The following FTO variants were observed in gnomAD, a reference collection of about 807,000 sequenced individuals.
FTO encodes alpha-ketoglutarate-dependent dioxygenase FTO.
A neutral mutation model predicts 63.9 loss-of-function variants in FTO; 47 were observed. That is an observed-to-expected ratio of 0.74 (90% CI 0.58 to 0.94). FTO has a LOEUF of 0.94. FTO is among the 40% of genes least tolerant of loss of function. The probability of loss-of-function intolerance (pLI) is 0.00; values close to 1 mark genes in which losing one functional copy is unlikely to be tolerated. For synonymous variants in FTO, 207 were observed against 224.4 expected, an observed-to-expected ratio of 0.92 and a Z score of 0.69; for missense variants, 562 against 618.1, an observed-to-expected ratio of 0.91 and a Z score of 0.96.
chr16:53,986,808 T>C (rs551754240), intron 8 of FTO, among the ~76,000 whole-genome samples: 1 of 152,234 alleles, frequency 6.6e-6, no homozygotes, highest in African/African-American at 2.4e-5. Flanking sequence ...GACATTAAAT[T>C]ACTGAGTAAA....
intron 8 of FTO, among the ~76,000 whole-genome samples, chr16:54,032,949 C>T (rs1195371444): frequency 6.6e-6 from 1 of 152,140 alleles, no homozygotes; most frequent in Non-Finnish European, 1.5e-5. Context: ...TGTGACATAA[C>T]CGCTCCTGCT....
chr16:53,839,381 A>G (rs565418138), intron 3 of FTO, among the ~76,000 whole-genome samples: 1 of 152,312 alleles, frequency 6.6e-6, no homozygotes, highest in South Asian at 2.1e-4. Context: ...GCTATAGGTA[A>G]TTACAAGTTG....
intron 1 of FTO, among the ~76,000 whole-genome samples, chr16:53,769,909 G>C (rs539660112): frequency 6.6e-6 from 1 of 152,146 alleles, no homozygotes; most frequent in Non-Finnish European, 1.5e-5. Flanking sequence ...CTCTATTCCA[G>C]CCAGCAAGAA....
At chr16:53,921,204 T>C (rs571928129) in intron 7 of FTO, among the ~76,000 whole-genome samples, 2 of 152,318 alleles carry the variant, frequency 1.3e-5, no homozygotes, top group East Asian at 3.9e-4. Flanking sequence ...CTCTTGCAAG[T>C]GTGATTTCTT....
chr16:53,826,358 C>G lies in FTO; in HGVS notation c.618C>G (p.Phe206Leu). The G allele has an allele frequency of 6.2e-7, 1 of 1,614,178 alleles. No individual in the cohort carries two copies. Among genetic ancestry groups the G allele is most frequent in the Non-Finnish European group, 8.5e-7 (1 of 1,180,028 alleles). The change falls in exon 3 of 9, where the codon TTC (phenylalanine) becomes TTG (leucine). Residue 206 changes from phenylalanine (F) to leucine (L), a missense_variant. By Grantham distance (22) the Phe-to-Leu change is conservative (BLOSUM62 0). Transcript: ENST00000471389. ...CATACAACGTAACTTTGCTGAATTT[C>G]ATGGATCCTCAGAAAATGCCATACC... ...RAAYNVTLLNFMDPQKMPYLK... is the reference protein window; with the variant it reads ...RAAYNVTLLNLMDPQKMPYLK...
At chr16:53,731,428 G>A (rs1005214146) in intron 1 of FTO, among the ~76,000 whole-genome samples, 3 of 152,138 alleles carry the variant, frequency 2.0e-5, no homozygotes, top group Admixed American at 6.5e-5. Context: ...AAGTTTGAAA[G>A]CCACTTGGTA....
In FTO at chr16:53,930,515, G is replaced by A. The variant is rs150046115; in HGVS notation, c.1240-3470G>A. 2.3e-3 allele frequency among the ~76,000 whole-genome samples: 351 copies of A among 152,032 alleles called. 1 individual carries two copies. Among genetic ancestry groups the A allele is most frequent in the African/African-American group, 8.1e-3 (336 of 41,484 alleles). ...TGGGATTACAGGCCTGAGCCACCGC[G>A]CCAGGCCAATTATCTTCTCATTTAT... is the stretch of plus-strand genomic sequence containing the variant. On this transcript the variant is annotated intron_variant, in intron 7 of 8. Transcript: ENST00000471389.
intron 3 of FTO, among the ~76,000 whole-genome samples, chr16:53,836,484 G>A (rs1425813105): frequency 6.6e-6 from 1 of 152,176 alleles, no homozygotes; most frequent in Non-Finnish European, 1.5e-5. Flanking sequence ...TGGCAAATGA[G>A]TATTTTTTGC....
At chr16:54,019,457 G>A (rs1325153779) in intron 8 of FTO, among the ~76,000 whole-genome samples, 1 of 152,156 alleles carries the variant, frequency 6.6e-6, no homozygotes, top group African/African-American at 2.4e-5. Context: ...AGTAACAGTT[G>A]ATGCATTTAA....
At chr16:53,886,090 C>A (rs1273972142) in intron 6 of FTO, among the ~76,000 whole-genome samples, 1 of 152,114 alleles carries the variant, frequency 6.6e-6, no homozygotes, top group Non-Finnish European at 1.5e-5. Flanking sequence ...GTTGGGCATC[C>A]AAGGGAAGAT....
intron 7 of FTO, among the ~76,000 whole-genome samples, chr16:53,912,292 A>T (rs12708942): frequency 0.88 from 133,247 of 152,266 alleles, 58,632 homozygotes; most frequent in East Asian, 1. Context: ...ATACCTGGGT[A>T]ACACTTTAGC....
chr16:53,883,638 A>AC lies in FTO; in HGVS notation c.1119+3651_1119+3652insC, dbSNP rs1371415433. Reference sequence around the variant, plus strand: ...ACTCTATCTCAAAAAAAAAAAAACAAAAAAAAAAAAACAAATTTGTCTGCT... The same window carrying AC: ...ACTCTATCTCAAAAAAAAAAAAACAACAAAAAAAAAAACAAATTTGTCTGCT... On this transcript the variant is annotated intron_variant, in intron 6 of 8. Transcript: ENST00000471389. Among the ~76,000 whole-genome samples the AC allele has an allele frequency of 5.8e-3, 857 of 147,734 alleles. 8 individuals are homozygous for AC. Among genetic ancestry groups the AC allele is most frequent in the Admixed American group, 9.8e-3 (144 of 14,730 alleles).
chr16:53,933,299 A>G (rs780823034), intron 7 of FTO, among the ~76,000 whole-genome samples: 1 of 152,164 alleles, frequency 6.6e-6, no homozygotes, highest in African/African-American at 2.4e-5. Flanking sequence ...TCCTTTTAGC[A>G]ATTGCTTTGG....
intron 8 of FTO, among the ~76,000 whole-genome samples, chr16:53,953,143 A>G (rs1328253451): frequency 6.6e-6 from 1 of 152,234 alleles, no homozygotes; most frequent in Non-Finnish European, 1.5e-5. Context: ...GAAAGAATGT[A>G]TACTTTTGTC....
At position 53,883,622 on chromosome 16, in the gene FTO, CAA is replaced by C. The variant is rs36010057; in HGVS notation, c.1119+3647_1119+3648del. On this transcript the variant is annotated intron_variant, in intron 6 of 8. Transcript: ENST00000471389. ...GGGCAACAAGGGCGAAACTCTATCT[CAA>C]AAAAAAAAAAACAAAAAAAAAAAAA... 3.0e-4 allele frequency among the ~76,000 whole-genome samples: 18 copies of C among 59,382 alleles called. 1 individual carries two copies. The highest frequency in any genetic ancestry group is 2.0e-4 in the Non-Finnish European group (7 of 35,386). 39.0% of individuals were successfully genotyped at this position (59,382 alleles called of 152,430 possible).
At chr16:53,773,080 G>T (rs1478186835) in intron 1 of FTO, among the ~76,000 whole-genome samples, 2 of 114,612 alleles carry the variant, frequency 1.7e-5, no homozygotes, top group African/African-American at 4.2e-5. Context: ...TTGGGCCTTT[G>T]ATTTATTTAT....
chr16:53,952,297 A>C (rs1012672509), intron 8 of FTO, among the ~76,000 whole-genome samples: 2 of 152,198 alleles, frequency 1.3e-5, no homozygotes, highest in Non-Finnish European at 2.9e-5. Flanking sequence ...TAGATTAAGA[A>C]ATATTATTCT....
intron 4 of FTO, among the ~76,000 whole-genome samples, chr16:53,855,050 T>C (rs942258532): frequency 1.9e-4 from 29 of 151,476 alleles, no homozygotes; most frequent in African/African-American, 6.6e-4. Flanking sequence ...TTTTTTTAGC[T>C]ATTATCAAAG....
chr16:53,796,764 TTA>T (rs2078084503), intron 1 of FTO, among the ~76,000 whole-genome samples: 1 of 152,234 alleles, frequency 6.6e-6, no homozygotes, highest in South Asian at 2.1e-4. Context: ...TAAGTAATCC[TTA>T]CTTACTCTTC....
Sources: allele counts gnomAD v4.1 joint callset (sites outside exome capture counted in the v4.1 genomes callset), GRCh38; gene constraint gnomAD v4.1.1; transcripts MANE v1.5; gene names NCBI Gene and HGNC (gene_info 2026-07-23, HGNC 2026-07-21).